ADGRL3: variants seen among roughly 807,000 people sequenced by gnomAD.
ADGRL3 encodes calcium-independent alpha-latrotoxin receptor 3.
Under a neutral mutation model 153.5 loss-of-function variants are expected in ADGRL3, and 62 were observed. The observed-to-expected ratio is 0.40, with a 90% CI of 0.33 to 0.50. The LOEUF (loss-of-function observed/expected upper bound fraction) is 0.50. Among genes scored for constraint, ADGRL3 ranks in the 20% least tolerant of loss-of-function variants. ADGRL3 has a pLI of 0.47. For missense variants in ADGRL3, 1,641 were observed against 1,859.4 expected (o/e 0.88, Z 2.16); for synonymous variants, 710 against 672.5 (o/e 1.06, Z -0.86).
intron 4 of ADGRL3, among the ~76,000 whole-genome samples, chr4:61,578,490 A>G: frequency 6.6e-6 from 1 of 152,044 alleles, no homozygotes; most frequent in East Asian, 1.9e-4. Context: ...TTGGCTAATA[A>G]TTTTTAAGAT....
At chr4:62,014,363 T>A (rs1156605264) in intron 21 of ADGRL3, among the ~76,000 whole-genome samples, 1 of 152,140 alleles carries the variant, frequency 6.6e-6, no homozygotes, top group Non-Finnish European at 1.5e-5. Context: ...GGGAATTTGT[T>A]GAGTTTGGAC....
At chr4:61,754,775 C>G (rs1040517118) in intron 8 of ADGRL3, among the ~76,000 whole-genome samples, 1 of 152,150 alleles carries the variant, frequency 6.6e-6, no homozygotes, top group Admixed American at 6.6e-5. Flanking sequence ...CCCCCTCCCC[C>G]CACACCAAAA....
intron 21 of ADGRL3, among the ~76,000 whole-genome samples, chr4:62,021,145 G>A (rs897232874): frequency 4.6e-5 from 7 of 151,286 alleles, no homozygotes; most frequent in African/African-American, 7.3e-5. Flanking sequence ...TTTGAGGTCC[G>A]AAGGTCAATA....
intron 8 of ADGRL3, among the ~76,000 whole-genome samples, chr4:61,771,359 A>G (rs147483342): frequency 3.3e-5 from 5 of 152,294 alleles, no homozygotes; most frequent in African/African-American, 7.2e-5. Flanking sequence ...TCATAACTGC[A>G]TAATTCCATA....
At position 61,869,584 on chromosome 4, in the gene ADGRL3, G is replaced by A. The variant is rs913665498; in HGVS notation, c.1481-23072G>A. Among the ~76,000 whole-genome samples the A allele has an allele frequency of 1.2e-3, 176 of 151,796 alleles. 2 individuals carry two copies. The highest frequency in any genetic ancestry group is 2.8e-4 in the Non-Finnish European group (19 of 67,924). On this transcript the variant is annotated intron_variant, in intron 9 of 26. Transcript: ENST00000683033. The stretch of plus-strand genomic sequence containing the variant: ...CTGCAGTCCGCAGTCTGGCCTGGGC[G>A]ACAGAGCGAGACTCCGTCTCAAAAA...
chr4:61,503,923 T>A (rs1298994360), intron 3 of ADGRL3, among the ~76,000 whole-genome samples: 1 of 152,140 alleles, frequency 6.6e-6, no homozygotes, highest in Non-Finnish European at 1.5e-5. Context: ...TGCCTGGAGT[T>A]ACCCACTTAA....
chr4:61,702,525 A>C (rs2095786354), intron 6 of ADGRL3, among the ~76,000 whole-genome samples: 3 of 152,178 alleles, frequency 2.0e-5, no homozygotes, highest in Admixed American at 2.0e-4. Flanking sequence ...CTCATTCTTT[A>C]AAATATTCAT....
At chr4:61,786,881 A>T (rs1271344257) in intron 8 of ADGRL3, among the ~76,000 whole-genome samples, 2 of 152,192 alleles carry the variant, frequency 1.3e-5, no homozygotes, top group Non-Finnish European at 1.5e-5. Flanking sequence ...TGGCAATAAA[A>T]AAATAGATAT....
Position 61,471,997 on chromosome 4 carries a change from A to C in ADGRL3, c.-173-25124A>C, listed in dbSNP as rs555268642. Among the ~76,000 whole-genome samples, 7 of 152,240 alleles carry C rather than the reference A, an allele frequency of 4.6e-5. No individual in the cohort carries two copies. The South Asian group carries it at 1.4e-3, about 32-fold the overall frequency. ...ACATTAAATACAATAAATGTATTTA[A>C]GAAACAGTAAGCCAATTAACACAAA... On this transcript the variant is annotated intron_variant, in intron 2 of 26. Transcript: ENST00000683033.
chr4:61,872,730 C>T (rs72638585), intron 9 of ADGRL3, among the ~76,000 whole-genome samples: 12 of 151,706 alleles, frequency 7.9e-5, no homozygotes, highest in Non-Finnish European at 1.8e-4. Flanking sequence ...TATATGTCTT[C>T]CCAACTTTCC....
intron 2 of ADGRL3, among the ~76,000 whole-genome samples, chr4:61,450,718 AG>A (rs1483567525): frequency 6.6e-6 from 1 of 152,178 alleles, no homozygotes; most frequent in Non-Finnish European, 1.5e-5. Context: ...TACCGGCAAA[AG>A]CAGCTTGAAA....
At chr4:61,818,853 A>G (rs1289690544) in intron 9 of ADGRL3, among the ~76,000 whole-genome samples, 1 of 152,218 alleles carries the variant, frequency 6.6e-6, no homozygotes, top group Non-Finnish European at 1.5e-5. Context: ...TCACTAGCTC[A>G]TGTGACCCTG....
chr4:61,452,831 A>T (rs2152527983), intron 2 of ADGRL3, among the ~76,000 whole-genome samples: 1 of 152,280 alleles, frequency 6.6e-6, no homozygotes, highest in East Asian at 1.9e-4. Flanking sequence ...TGCCTGAAAC[A>T]AAAATGTCAA....
chr4:61,330,569 G>C (rs1056292112), intron 1 of ADGRL3, among the ~76,000 whole-genome samples: 1 of 152,046 alleles, frequency 6.6e-6, no homozygotes, highest in Non-Finnish European at 1.5e-5. Flanking sequence ...GTCCTGAGTT[G>C]GTTCCTTCTG....
At chr4:61,979,082 G>T (rs1028797923) in intron 17 of ADGRL3, among the ~76,000 whole-genome samples, 1 of 152,030 alleles carries the variant, frequency 6.6e-6, no homozygotes, top group African/African-American at 2.4e-5. Flanking sequence ...AAGATTTAGA[G>T]GACAAAGGAA....
intron 23 of ADGRL3, among the ~76,000 whole-genome samples, chr4:62,037,132 G>T (rs958681158): frequency 6.6e-6 from 1 of 152,048 alleles, no homozygotes; most frequent in African/African-American, 2.4e-5. Flanking sequence ...CAATTTGAAC[G>T]TTTGATCTCT....
rs142111186 is a variant in ADGRL3, at chr4:61,226,367, C to A, written c.-240+24602C>A. Among the ~76,000 whole-genome samples the A allele has an allele frequency of 2.3e-3, 348 of 152,190 alleles. 4 individuals carry two copies. Among genetic ancestry groups the A allele is most frequent in the East Asian group, 7.2e-3 (37 of 5,168 alleles). ...ATTTGTAACAGCAAATAAATAATTG[C>A]AGTTTGCAGTATAGGAGACAAGAAA... On this transcript the variant is annotated intron_variant, in intron 1 of 26. Coordinates refer to ENST00000683033, the MANE Select transcript of ADGRL3 (RefSeq NM_001387552.1).
chr4:61,749,782 T>C (rs62306769), intron 8 of ADGRL3, among the ~76,000 whole-genome samples: 88,033 of 151,716 alleles, frequency 0.58, 27,965 homozygotes, highest in African/African-American at 0.83. Flanking sequence ...ATGGGTGCAG[T>C]ACACCAGCAT....
At chr4:61,864,355 G>C (rs1448547710) in intron 9 of ADGRL3, among the ~76,000 whole-genome samples, 1 of 152,180 alleles carries the variant, frequency 6.6e-6, no homozygotes, top group Non-Finnish European at 1.5e-5. Context: ...CCAGATCAGA[G>C]CATGAAGGCA....
Sources: allele counts gnomAD v4.1 joint callset (sites outside exome capture counted in the v4.1 genomes callset), GRCh38; gene constraint gnomAD v4.1.1; transcripts MANE v1.5; gene names NCBI Gene and HGNC (gene_info 2026-07-23, HGNC 2026-07-21).